The following TTLL13 variants were observed in gnomAD, a reference collection of about 807,000 sequenced individuals.
TTLL13 encodes tubulin polyglutamylase TTLL13.
At chr15:90,256,585 CTT>C in the TTLL13 span, among the ~76,000 whole-genome samples, 58 of 34,616 alleles carry the variant, frequency 1.7e-3, no homozygotes, top group African/African-American at 6.6e-3. Context: ...TTCTTTCTTT[CTT>C]TCTTTCTTTC....
At chr15:90,262,017 C>G in the TTLL13 span, 1 of 1,532,930 alleles carries the variant, frequency 6.5e-7, no homozygotes, top group Non-Finnish European at 8.7e-7. Flanking sequence ...AAAGAAAAAA[C>G]TGAGTCATCC....
At chr15:90,254,366 A>G in the TTLL13 span, among the ~76,000 whole-genome samples, 1 of 150,076 alleles carries the variant, frequency 6.7e-6, no homozygotes, top group Non-Finnish European at 1.5e-5. Context: ...GGTGGCGCAC[A>G]CTTGTAATCC....
chr15:90,250,153 T>A, the TTLL13 span, among the ~76,000 whole-genome samples: 6 of 151,952 alleles, frequency 3.9e-5, 1 homozygote, highest in African/African-American at 1.4e-4. Flanking sequence ...GAGACGGGAT[T>A]TCACCGTGCT....
chr15:90,263,818 G>A, the TTLL13 span: 1 of 720,128 alleles, frequency 1.4e-6, no homozygotes, highest in African/African-American at 1.7e-5. Context: ...CCTAAGAGGG[G>A]CTGCCACAGA....
At chr15:90,260,305 C>T in the TTLL13 span, among the ~76,000 whole-genome samples, 5 of 151,694 alleles carry the variant, frequency 3.3e-5, no homozygotes, top group East Asian at 3.9e-4. Flanking sequence ...TGAGACCAGC[C>T]TGGGCAACAG....
At chr15:90,259,339 A>G in the TTLL13 span, among the ~76,000 whole-genome samples, 1 of 152,012 alleles carries the variant, frequency 6.6e-6, no homozygotes, top group African/African-American at 2.4e-5. Context: ...GCAGTGAGCC[A>G]TGTTTGCACC....
chr15:90,256,181 C>T, the TTLL13 span: 16 of 1,614,036 alleles, frequency 9.9e-6, no homozygotes, highest in African/African-American at 5.3e-5. Context: ...GCGAAAAGCC[C>T]GCACATATAT....
At chr15:90,264,095 A>G in the TTLL13 span, 1 of 1,325,992 alleles carries the variant, frequency 7.5e-7, no homozygotes, top group Non-Finnish European at 1.0e-6. Context: ...ATTTTGACAT[A>G]TGTAAATCCC....
chr15:90,259,533 C>T, the TTLL13 span, among the ~76,000 whole-genome samples: 12 of 152,236 alleles, frequency 7.9e-5, no homozygotes, highest in African/African-American at 1.7e-4. Flanking sequence ...GTATATAGTA[C>T]GCATTTAATA....
chr15:90,254,455 T>C, the TTLL13 span, among the ~76,000 whole-genome samples: 12 of 140,868 alleles, frequency 8.5e-5, no homozygotes, highest in Admixed American at 5.7e-4. Flanking sequence ...ATTGTGTCAT[T>C]GCACTCCAGC....
At chr15:90,256,163 G>A in the TTLL13 span, 84 of 1,614,144 alleles carry the variant, frequency 5.2e-5, no homozygotes, top group Non-Finnish European at 6.4e-5. Flanking sequence ...CCAGTCCTAC[G>A]GTCGTCAGCG....
At chr15:90,264,657 G>A in the TTLL13 span, 1 of 1,507,068 alleles carries the variant, frequency 6.6e-7, no homozygotes. Flanking sequence ...CCACAGTTGG[G>A]AAAGAGGTGA....
At chr15:90,263,073 G>A in the TTLL13 span, 2 of 1,536,134 alleles carry the variant, frequency 1.3e-6, no homozygotes, top group Non-Finnish European at 8.7e-7. Context: ...TCCGAAGCCT[G>A]GGTATTGTAG....
At chr15:90,261,334 C>T in the TTLL13 span, among the ~76,000 whole-genome samples, 2 of 151,062 alleles carry the variant, frequency 1.3e-5, no homozygotes, top group African/African-American at 4.9e-5. Flanking sequence ...CCGCCTTGGC[C>T]TCCCAAAGTG....
At chr15:90,255,723 C>G in the TTLL13 span, 1 of 1,614,020 alleles carries the variant, frequency 6.2e-7, no homozygotes, top group Non-Finnish European at 8.5e-7. Context: ...GCCACTTACT[C>G]TGGGGGCTCA....
chr15:90,263,194 C>A, the TTLL13 span: 2 of 1,438,824 alleles, frequency 1.4e-6, no homozygotes, highest in East Asian at 4.9e-5. Context: ...CAAGGGCTGT[C>A]ATTCCAGGAC....
At chr15:90,254,202 TAAAAA>T in the TTLL13 span, among the ~76,000 whole-genome samples, 12 of 139,094 alleles carry the variant, frequency 8.6e-5, no homozygotes, top group East Asian at 2.2e-3. Flanking sequence ...TTTTTTTTTT[TAAAAA>T]AAAAAGGCTG....
At chr15:90,257,829 T>C in the TTLL13 span, 3 of 1,158,562 alleles carry the variant, frequency 2.6e-6, no homozygotes, top group Non-Finnish European at 3.8e-6. Flanking sequence ...CCAGGGAAAC[T>C]CAGCCTTTAT....
the TTLL13 span, among the ~76,000 whole-genome samples, chr15:90,254,659 A>G: frequency 6.6e-6 from 1 of 152,082 alleles, no homozygotes; most frequent in African/African-American, 2.4e-5. Context: ...GCAACAGGCA[A>G]AACCCCATCT....
Sources: gnomAD v4.1 joint callset for allele counts (sites outside exome capture counted in the v4.1 genomes callset) on GRCh38, gnomAD v4.1.1 for gene constraint, MANE v1.5 for transcripts, NCBI Gene and HGNC (gene_info 2026-07-23, HGNC 2026-07-21) for gene names.